PEPD: variants seen among roughly 807,000 people sequenced by gnomAD.
The protein encoded by PEPD is peptidase D, also known as xaa-Pro dipeptidase.
Under a neutral mutation model 60.7 loss-of-function variants are expected in PEPD, and 53 were observed. The ratio of observed to expected loss-of-function variants is 0.87; its 90% CI spans 0.70 to 1.10. PEPD has a LOEUF of 1.10. PEPD is among the 50% of genes least tolerant of loss of function. The pLI is 0.00. For synonymous variants in PEPD, 267 were observed against 284.1 expected (o/e 0.94, Z 0.60); for missense variants, 711 against 711.9 (o/e 1.00, Z 0.01).
intron 9 of PEPD, among the ~76,000 whole-genome samples, chr19:33,432,525 C>T (rs934428846): frequency 4.0e-4 from 61 of 152,218 alleles, no homozygotes; most frequent in African/African-American, 1.3e-3. Flanking sequence ...TCTGAAGAGC[C>T]GATTGAAAAA....
intron 9 of PEPD, among the ~76,000 whole-genome samples, chr19:33,445,193 G>A (rs1207505541): frequency 6.6e-6 from 1 of 152,172 alleles, no homozygotes; most frequent in Non-Finnish European, 1.5e-5. Flanking sequence ...CAGACCAGAG[G>A]CTGACACATG....
chr19:33,521,471 G>A (rs1338239299), intron 1 of PEPD, among the ~76,000 whole-genome samples: 1 of 152,196 alleles, frequency 6.6e-6, no homozygotes, highest in African/African-American at 2.4e-5. Flanking sequence ...GTCGACCCCA[G>A]CCCCCACCGC....
At chr19:33,401,574 AC>A (rs1403259661) in intron 12 of PEPD, 146 bp downstream of exon 12, 8 of 779,352 alleles carry the variant, frequency 1.0e-5, no homozygotes, top group Non-Finnish European at 1.7e-5. Flanking sequence ...TGGAGACCTG[AC>A]GCCACTGGAA....
chr19:33,506,515 C>A (rs971651119), intron 3 of PEPD, among the ~76,000 whole-genome samples: 1 of 148,922 alleles, frequency 6.7e-6, no homozygotes, highest in African/African-American at 2.5e-5. Context: ...CCCATACACA[C>A]CCTCACATGC....
intron 9 of PEPD, among the ~76,000 whole-genome samples, chr19:33,451,396 T>C (rs1048800292): frequency 6.6e-6 from 1 of 152,246 alleles, no homozygotes. Context: ...TGAACATAAG[T>C]AGAAAACAGA....
intron 9 of PEPD, among the ~76,000 whole-genome samples, chr19:33,437,324 G>A (rs1397255815): frequency 1.3e-5 from 2 of 151,914 alleles, no homozygotes; most frequent in African/African-American, 2.4e-5. Flanking sequence ...TGCTTGTCTC[G>A]AAGTTCAACT....
intron 9 of PEPD, among the ~76,000 whole-genome samples, chr19:33,426,864 C>G (rs1392786858): frequency 1.3e-5 from 2 of 152,214 alleles, no homozygotes; most frequent in East Asian, 3.9e-4. Flanking sequence ...CATCCAGGAA[C>G]CACAAGGCCC....
intron 7 of PEPD, among the ~76,000 whole-genome samples, chr19:33,468,066 T>C (rs17834037): frequency 0.091 from 13,793 of 152,058 alleles, 653 homozygotes; most frequent in Middle Eastern, 0.14. Flanking sequence ...GAGGGAATGA[T>C]GGAGAGGCAC....
At chr19:33,423,878 TG>T (rs1293908985) in intron 9 of PEPD, among the ~76,000 whole-genome samples, 1 of 152,258 alleles carries the variant, frequency 6.6e-6, no homozygotes, top group Non-Finnish European at 1.5e-5. Context: ...CCTACCCCTA[TG>T]ATTATATAAA....
At chr19:33,478,179 T>C (rs1187007879) in intron 6 of PEPD, 89 bp from the exon 7 acceptor site, 7 of 838,822 alleles carry the variant, frequency 8.3e-6, no homozygotes, top group Admixed American at 4.0e-5. Flanking sequence ...GCACACGTGA[T>C]GCATTAAAGA....
intron 9 of PEPD, among the ~76,000 whole-genome samples, chr19:33,458,033 A>C (rs1969840386): frequency 6.6e-6 from 1 of 151,974 alleles, no homozygotes. Flanking sequence ...TGTGGTACAT[A>C]CCGTGTATGT....
intron 9 of PEPD, among the ~76,000 whole-genome samples, chr19:33,424,224 A>G (rs978038040): frequency 2.0e-5 from 3 of 152,218 alleles, no homozygotes; most frequent in Non-Finnish European, 4.4e-5. Context: ...TCCCAGGAAG[A>G]AGGACAGGAC....
chr19:33,422,839 C>CTATCTATCTATCT (rs1568463742), intron 9 of PEPD, among the ~76,000 whole-genome samples: 1,669 of 39,816 alleles, frequency 0.042, 16 homozygotes, highest in Non-Finnish European at 0.051. Flanking sequence ...TCTATCTATC[C>CTATCTATCTATCT]ATCTATCCAT....
chr19:33,447,456 G>A (rs1343341748), intron 9 of PEPD, among the ~76,000 whole-genome samples: 2 of 152,220 alleles, frequency 1.3e-5, no homozygotes, highest in African/African-American at 4.8e-5. Context: ...GTTCCTGCAG[G>A]TGCAGGAGCC....
chr19:33,509,263 G>A (rs552708462), intron 3 of PEPD, among the ~76,000 whole-genome samples: 1 of 152,376 alleles, frequency 6.6e-6, no homozygotes, highest in East Asian at 1.9e-4. Context: ...AGTTGGCCCG[G>A]GTGTGTCCAC....
At chr19:33,512,413 G>T (rs1970943653) in intron 2 of PEPD, among the ~76,000 whole-genome samples, 180 bp downstream of exon 2, 1 of 152,178 alleles carries the variant, frequency 6.6e-6, no homozygotes, top group Middle Eastern at 3.2e-3. Context: ...GCCACCCGCT[G>T]CCCCACATCT....
At chr19:33,509,954 C>A (rs989459075) in intron 3 of PEPD, among the ~76,000 whole-genome samples, 1 of 152,190 alleles carries the variant, frequency 6.6e-6, no homozygotes, top group Admixed American at 6.5e-5. Flanking sequence ...ACCTGCGCTG[C>A]GTCCAGAGGA....
intron 9 of PEPD, among the ~76,000 whole-genome samples, chr19:33,454,858 A>G (rs759539443): frequency 3.3e-5 from 5 of 152,194 alleles, no homozygotes; most frequent in African/African-American, 4.8e-5. Context: ...ATCATCAGTG[A>G]TAAGTCATGC....
At chr19:33,475,211 TG>T (rs1284942644) in intron 7 of PEPD, among the ~76,000 whole-genome samples, 2 of 151,920 alleles carry the variant, frequency 1.3e-5, no homozygotes, top group African/African-American at 4.8e-5. Context: ...CCCGAGTTGA[TG>T]GTTTCCTGTT....
Sources: gnomAD v4.1 joint callset for allele counts (sites outside exome capture counted in the v4.1 genomes callset) on GRCh38, gnomAD v4.1.1 for gene constraint, MANE v1.5 for transcripts, NCBI Gene and HGNC (gene_info 2026-07-23, HGNC 2026-07-21) for gene names.